Variants in DST observed in about 807,000 individuals in gnomAD.
DST encodes bullous pemphigoid antigen.
In DST, 253 loss-of-function variants were observed where a neutral mutation model predicts 875.2. The observed-to-expected ratio is 0.29, with a 90% CI of 0.26 to 0.32. The LOEUF (loss-of-function observed/expected upper bound fraction) is 0.32. DST is among the 10% of genes least tolerant of loss of function. The pLI is 1.00. For synonymous variants in DST, 3,124 were observed against 3,197.1 expected, an observed-to-expected ratio of 0.98 and a Z score of 0.77; for missense variants, 8,287 against 9,111.6, an observed-to-expected ratio of 0.91 and a Z score of 3.68.
At chr6:56,786,828 C>A (rs13200768) in intron 4 of DST, among the ~76,000 whole-genome samples, 18,624 of 152,110 alleles carry the variant, frequency 0.12, 1,584 homozygotes, top group Non-Finnish European at 0.19. Flanking sequence ...ACCCCAATAC[C>A]TTTTTAACCC....
intron 50 of DST, among the ~76,000 whole-genome samples, chr6:56,574,476 A>C (rs1382899042): frequency 6.6e-6 from 1 of 152,216 alleles, no homozygotes; most frequent in East Asian, 1.9e-4. Flanking sequence ...CAAGTAATTA[A>C]GAAAACAGGC....
chr6:56,477,220 GA>G, intron 91 of DST, 124 bp downstream of exon 91: 1 of 1,058,434 alleles, frequency 9.4e-7, no homozygotes, highest in Middle Eastern at 2.1e-4. Flanking sequence ...GTATTTAAAA[GA>G]ACGTTTTCTA....
chr6:56,783,340 T>G (rs554469949), intron 4 of DST, among the ~76,000 whole-genome samples: 2 of 152,268 alleles, frequency 1.3e-5, no homozygotes, highest in Admixed American at 6.5e-5. Flanking sequence ...AGTCTCCCAT[T>G]ATTATTGTGT....
At chr6:56,497,689 C>A in intron 81 of DST, 167 bp downstream of exon 81, 2 of 951,996 alleles carry the variant, frequency 2.1e-6, no homozygotes, top group Non-Finnish European at 3.0e-6. Context: ...ATGCTAAGAA[C>A]TAGAAAGCTG....
intron 46 of DST, among the ~76,000 whole-genome samples, chr6:56,598,216 T>G (rs1393359570): frequency 2.6e-5 from 4 of 152,190 alleles, no homozygotes. Context: ...ATTCCAAAAT[T>G]TTAACTATAA....
rs1173854608 is a variant in DST at position 56,608,764 on chromosome 6, T to G, written c.5864A>C (p.Glu1955Ala). 2 of 1,609,442 alleles carry G rather than the reference T, an allele frequency of 1.2e-6. No homozygotes were observed. The highest frequency in any genetic ancestry group is 2.2e-5 in the South Asian group (2 of 90,456). ...ACATTTTAATGTTATTCTACCTCCTTCTTGTGGTCTCACAGGTAGAAGCCA... is the reference window on the plus strand; with the variant it reads ...ACATTTTAATGTTATTCTACCTCCTGCTTGTGGTCTCACAGGTAGAAGCCA... ...GMWLLPVRPQ[E>A]GGRITLKCGR... The change falls in exon 40 of 104, where the codon GAA becomes GCA. Residue 1955 changes from glutamate to alanine, a missense_variant. By Grantham distance (107) the Glu-to-Ala change is moderately radical. Coordinates refer to ENST00000680361, the MANE Select transcript of DST (RefSeq NM_001374736.1).
rs752781301 is a variant in DST, at chr6:56,552,295, G to C, written c.16497C>G (p.Ser5499Arg). ...GCAGAATAGAAAATTCTTTCAATTT[G>C]CTGTAAAATTCTTCAAGGCGCTTAA... ...GTIKRLEEFY[S>R]KLKEFSILLQ... is the part of the protein sequence containing the mutation. The change falls in exon 61 of 104, where the codon AGC becomes AGG. Residue 5499 changes from serine (S) to arginine (R), a missense_variant. This residue lies in a region of DST where 777 missense variants were observed against 764.8 expected (regional missense o/e 1.02). Transcript: ENST00000680361. 4 of 1,613,838 alleles carry C rather than the reference G, an allele frequency of 2.5e-6. No homozygotes were observed. In the African/African-American group the frequency reaches 5.3e-5, roughly 22 times the overall value.
In DST at chr6:56,865,478, C is replaced by T. The variant is rs144616384; in HGVS notation, c.418-13874G>A. Among the ~76,000 whole-genome samples, 362 of 152,128 alleles carry T rather than the reference C, an allele frequency of 2.4e-3. 1 individual carries two copies. Among genetic ancestry groups the T allele is most frequent in the African/African-American group, 8.3e-3 (346 of 41,490 alleles). ...CTCAGCCTCCCAAGTAGCTAGACTA[C>T]ATGTGTGCCACCACACCTGGCTAAT... On this transcript the variant is annotated intron_variant, in intron 3 of 103. Coordinates refer to ENST00000680361, the MANE Select transcript of DST (RefSeq NM_001374736.1).
Position 56,492,411 on chromosome 6 carries a change from G to T in DST, c.20573C>A (p.Ser6858Tyr). 2 of 1,611,900 alleles carry T rather than the reference G, an allele frequency of 1.2e-6. No individual in the cohort carries two copies. Among genetic ancestry groups the T allele is most frequent in the Non-Finnish European group, 1.7e-6 (2 of 1,179,414 alleles). The change falls in exon 85 of 104, where the codon TCT (serine) becomes TAT (tyrosine). Residue 6858 changes from serine (S) to tyrosine (Y), a missense_variant. Physicochemically the swap from Ser to Tyr is moderately radical, Grantham distance 144. Transcript: ENST00000680361. ...CAGCTCTATTATCTGCTCACGATGA[G>T]AATTTACTTCATTGGCAAAAACCTT... is the stretch of plus-strand genomic sequence containing the variant. Reference protein sequence around the residue: ...EHKVFANEVNSHREQIIELDK... With the variant: ...EHKVFANEVNYHREQIIELDK...
At chr6:56,601,358 T>C (rs2098444387) in intron 44 of DST, 85 bp downstream of exon 44, 4 of 843,986 alleles carry the variant, frequency 4.7e-6, no homozygotes, top group Non-Finnish European at 7.4e-6. Context: ...AGAAAATCTT[T>C]CCTGTCACAC....
Position 56,634,822 on chromosome 6 carries a change from G to A in DST, c.3318C>T (p.Ile1106=), listed in dbSNP as rs375817273. ...GTACCTCAATTTGTCTGTAGTCACAGATAGCTTTGATCGGAATAGAAGTTT... is the reference window on the plus strand; with the variant it reads ...GTACCTCAATTTGTCTGTAGTCACAAATAGCTTTGATCGGAATAGAAGTTT... ...PLKTSIPIKA[I]CDYRQIEITI... The change falls in exon 25 of 104, where the codon ATC becomes ATT. Residue 1106 remains isoleucine, a synonymous_variant. Coordinates refer to ENST00000680361, the MANE Select transcript of DST (RefSeq NM_001374736.1). The A allele has an allele frequency of 1.1e-5, 17 of 1,613,954 alleles. No individual in the cohort carries two copies. The East Asian group carries it at 1.1e-4, about 11-fold the overall frequency.
intron 3 of DST, among the ~76,000 whole-genome samples, chr6:56,891,717 G>A (rs1463153769): frequency 6.6e-6 from 1 of 151,370 alleles, no homozygotes; most frequent in Non-Finnish European, 1.5e-5. Flanking sequence ...CTGGGTGACA[G>A]AGCAAAACCC....
chr6:56,653,081 T>C (rs2098985210), intron 10 of DST, among the ~76,000 whole-genome samples: 1 of 152,180 alleles, frequency 6.6e-6, no homozygotes. Flanking sequence ...GAACAAGACA[T>C]GGCATGTTAT....
intron 79 of DST, 101 bp downstream of exon 79, chr6:56,501,419 T>C: frequency 8.6e-7 from 1 of 1,164,726 alleles, no homozygotes; most frequent in Admixed American, 3.2e-5. Context: ...ATAGAATATA[T>C]GAGAAGCAGA....
chr6:56,785,166 G>C (rs1056702582), intron 4 of DST, among the ~76,000 whole-genome samples: 1 of 151,958 alleles, frequency 6.6e-6, no homozygotes. Flanking sequence ...TAGGCTGCTC[G>C]GGGACCCACC....
rs1386517915 is a variant in DST at position 56,604,890 on chromosome 6, A to C, written c.9738T>G (p.Asp3246Glu). The C allele has an allele frequency of 6.2e-7, 1 of 1,612,562 alleles. No individual in the cohort carries two copies. The highest frequency in any genetic ancestry group is 1.3e-5 in the African/African-American group (1 of 74,828). Residue 3246 changes from aspartate to glutamate, a missense_variant, in exon 40 of 104, where the codon GAT becomes GAG. Physicochemically the swap from Asp to Glu is conservative, Grantham distance 45 (BLOSUM62 2). Transcript: ENST00000680361. Reference sequence around the variant, plus strand: ...CTGAGATGCTTTCTTTACTACAAAGATCATTGCTTTGGATCATGTCATTAA... The same window carrying C: ...CTGAGATGCTTTCTTTACTACAAAGCTCATTGCTTTGGATCATGTCATTAA... ...SPLNDMIQSN[D>E]LCSKESISGG...
At chr6:56,498,180 A>T in intron 80 of DST, 127 bp from the exon 81 acceptor site, 2 of 943,760 alleles carry the variant, frequency 2.1e-6, no homozygotes, top group East Asian at 2.6e-5. Context: ...TAGAATTTTA[A>T]TTTTTTTTAA....
chr6:56,562,288 C>CTG, intron 55 of DST, 88 bp from the exon 56 acceptor site: 1 of 588,540 alleles, frequency 1.7e-6, no homozygotes, highest in Non-Finnish European at 2.6e-6. Context: ...ACCCCATCAA[C>CTG]AGTAATCACA....
intron 10 of DST, among the ~76,000 whole-genome samples, chr6:56,663,611 C>G (rs759977716): frequency 1.6e-4 from 25 of 152,238 alleles, no homozygotes; most frequent in African/African-American, 6.0e-4. Flanking sequence ...ACTGAATTCA[C>G]GCATGTGACT....
Sources: allele counts gnomAD v4.1 joint callset (sites outside exome capture counted in the v4.1 genomes callset), GRCh38; gene constraint gnomAD v4.1.1; regional missense constraint gnomAD v4.1.1; transcripts MANE v1.5; gene names NCBI Gene and HGNC (gene_info 2026-07-23, HGNC 2026-07-21).